CCDC91: variants seen among roughly 807,000 people sequenced by gnomAD.
The protein encoded by CCDC91 is coiled-coil domain containing 91, also known as coiled-coil domain-containing protein 91.
CCDC91 carries 48 observed loss-of-function variants against 63.2 expected under a neutral mutation model. The observed-to-expected ratio is 0.76, with a 90% confidence interval of 0.60 to 0.97. The LOEUF is 0.97. Among genes scored for constraint, CCDC91 ranks in the 50% least tolerant of loss-of-function variants. The pLI, the probability that CCDC91 is intolerant of heterozygous loss-of-function variation, is 0.00. For synonymous variants in CCDC91, 167 were observed against 165.8 expected (o/e 1.01, Z -0.06); for missense variants, 500 against 494.6 (o/e 1.01, Z -0.10).
intron 7 of CCDC91, among the ~76,000 whole-genome samples, chr12:28,379,541 A>G (rs913956396): frequency 6.6e-6 from 1 of 152,182 alleles, no homozygotes; most frequent in East Asian, 1.9e-4. Flanking sequence ...TATGCAGCCA[A>G]CAGACACATG....
At chr12:28,220,863 A>G (rs1406212327) in intron 1 of CCDC91, among the ~76,000 whole-genome samples, 1 of 152,060 alleles carries the variant, frequency 6.6e-6, no homozygotes, top group African/African-American at 2.4e-5. Context: ...CTAAATACAA[A>G]TATTCTCTTG....
At chr12:28,390,998 C>A (rs186545376) in intron 7 of CCDC91, among the ~76,000 whole-genome samples, 307 of 147,800 alleles carry the variant, frequency 2.1e-3, no homozygotes, top group Middle Eastern at 6.8e-3. Context: ...CTTCACTGAA[C>A]CAAATTTATA....
chr12:28,314,540 A>T (rs1427404315), intron 6 of CCDC91, among the ~76,000 whole-genome samples: 1 of 152,018 alleles, frequency 6.6e-6, no homozygotes, highest in Non-Finnish European at 1.5e-5. Flanking sequence ...AACCCAAAAT[A>T]TAGTTTGCGG....
At chr12:28,278,101 G>C (rs960848070) in intron 3 of CCDC91, among the ~76,000 whole-genome samples, 1 of 151,968 alleles carries the variant, frequency 6.6e-6, no homozygotes, top group African/African-American at 2.4e-5. Context: ...TTTCTCTACT[G>C]AGCTTTTCTG....
At chr12:28,486,850 T>C (rs1373310234) in intron 12 of CCDC91, among the ~76,000 whole-genome samples, 1 of 152,054 alleles carries the variant, frequency 6.6e-6, no homozygotes, top group African/African-American at 2.4e-5. Flanking sequence ...ACTGAAGTTC[T>C]ACTTCTCTTT....
chr12:28,376,176 C>G (rs1287448583), intron 7 of CCDC91, among the ~76,000 whole-genome samples: 1 of 151,688 alleles, frequency 6.6e-6, no homozygotes, highest in Non-Finnish European at 1.5e-5. Context: ...TAACCATTGT[C>G]CTATCTTTTT....
At chr12:28,268,415 A>G (rs1474583391) in intron 3 of CCDC91, among the ~76,000 whole-genome samples, 1 of 152,168 alleles carries the variant, frequency 6.6e-6, no homozygotes, top group South Asian at 2.1e-4. Flanking sequence ...AACAAACTAT[A>G]GCTACATATT....
intron 12 of CCDC91, among the ~76,000 whole-genome samples, chr12:28,544,358 A>C (rs1942837428): frequency 6.6e-6 from 1 of 151,596 alleles, no homozygotes; most frequent in Non-Finnish European, 1.5e-5. Flanking sequence ...GTCTCTTTTC[A>C]AGTCTCTTAA....
chr12:28,411,954 C>A (rs1022936428), intron 8 of CCDC91, among the ~76,000 whole-genome samples: 1 of 152,120 alleles, frequency 6.6e-6, no homozygotes, highest in Admixed American at 6.5e-5. Flanking sequence ...CTAGGCCCTA[C>A]CCCCCAACAC....
chr12:28,321,274 A>T (rs1386741693), intron 6 of CCDC91, among the ~76,000 whole-genome samples: 2 of 151,854 alleles, frequency 1.3e-5, no homozygotes, highest in African/African-American at 4.8e-5. Context: ...CTCAAAACTT[A>T]GCTGAATCAT....
chr12:28,432,915 T>C (rs1271018154), intron 8 of CCDC91, among the ~76,000 whole-genome samples: 5 of 152,090 alleles, frequency 3.3e-5, no homozygotes, highest in African/African-American at 4.8e-5. Flanking sequence ...TTGGCCATTC[T>C]GACAGGTATG....
intron 6 of CCDC91, among the ~76,000 whole-genome samples, chr12:28,339,346 CT>C (rs1228175791): frequency 6.6e-6 from 1 of 151,940 alleles, no homozygotes; most frequent in African/African-American, 2.4e-5. Flanking sequence ...TTTAAGAAGA[CT>C]TTTAGTTATC....
chr12:28,276,719 A>G (rs530618284), intron 3 of CCDC91, among the ~76,000 whole-genome samples: 1 of 151,972 alleles, frequency 6.6e-6, no homozygotes, highest in Admixed American at 6.6e-5. Flanking sequence ...AGAGTATAGA[A>G]ATTTAACTGG....
At chr12:28,354,786 A>T (rs1361539527) in intron 6 of CCDC91, among the ~76,000 whole-genome samples, 1 of 152,140 alleles carries the variant, frequency 6.6e-6, no homozygotes, top group Non-Finnish European at 1.5e-5. Flanking sequence ...ACAATATTAC[A>T]AGAATTCTAG....
At chr12:28,354,882 C>T (rs1381670135) in intron 6 of CCDC91, among the ~76,000 whole-genome samples, 2 of 152,136 alleles carry the variant, frequency 1.3e-5, no homozygotes, top group African/African-American at 4.8e-5. Flanking sequence ...CATTCAGTGA[C>T]TAAACATTGT....
rs546645717 is a variant in CCDC91 at position 28,436,464 on chromosome 12, G to T, written c.763-13697G>T. On this transcript the variant is annotated intron_variant, in intron 8 of 12. Transcript: ENST00000536442. ...TTATACTCAGCAGATATTAATATAT[G>T]CATAAGTGTACATATCAAATATATT... is the stretch of plus-strand genomic sequence containing the variant. 4.6e-5 allele frequency among the ~76,000 whole-genome samples: 7 copies of T among 151,604 alleles called. No individual in the cohort carries two copies. In the South Asian group the frequency reaches 1.5e-3, roughly 32 times the overall value.
intron 7 of CCDC91, among the ~76,000 whole-genome samples, chr12:28,376,429 T>G (rs1944951152): frequency 6.6e-6 from 1 of 151,692 alleles, no homozygotes; most frequent in South Asian, 2.1e-4. Context: ...AAAAGTGAGT[T>G]TTAGCTGTAA....
rs1171601902 is a variant in CCDC91, at chr12:28,455,676, T to G, written c.1101+3022T>G. On this transcript the variant is annotated intron_variant, in intron 11 of 12. Transcript: ENST00000536442. The stretch of plus-strand genomic sequence containing the variant: ...TTTAGCTAAAAAGGTATTTTTATGT[T>G]TTTTTTTTTCTTTGTAGCTTTGCCT... Among the ~76,000 whole-genome samples the G allele has an allele frequency of 4.0e-5, 6 of 150,164 alleles. No individual in the cohort carries two copies. The South Asian group carries it at 1.3e-3, about 32-fold the overall frequency.
intron 6 of CCDC91, among the ~76,000 whole-genome samples, chr12:28,316,973 G>T (rs935157569): frequency 6.6e-6 from 1 of 151,802 alleles, no homozygotes; most frequent in Non-Finnish European, 1.5e-5. Context: ...AAGACTGCTT[G>T]TACTTACCTG....
Sources: allele counts gnomAD v4.1 joint callset (sites outside exome capture counted in the v4.1 genomes callset), GRCh38; gene constraint gnomAD v4.1.1; transcripts MANE v1.5; gene names NCBI Gene and HGNC (gene_info 2026-07-23, HGNC 2026-07-21).